CNTNAP5: variants seen among roughly 807,000 people sequenced by gnomAD.
CNTNAP5 encodes the protein contactin-associated protein-like 5.
CNTNAP5 carries 72 observed loss-of-function variants against 150.2 expected under a neutral mutation model. That is an observed-to-expected ratio of 0.48 (90% confidence interval 0.40 to 0.58). The LOEUF is 0.58. Among genes scored for constraint, CNTNAP5 ranks in the 20% least tolerant of loss-of-function variants. The pLI, the probability that CNTNAP5 is intolerant of heterozygous loss-of-function variation, is 0.00. For synonymous variants in CNTNAP5, 672 were observed against 619.8 expected (o/e 1.08, Z -1.25); for missense variants, 1,636 against 1,626.2 (o/e 1.01, Z -0.10).
At chr2:124,565,921 A>G (rs1051738667) in intron 11 of CNTNAP5, among the ~76,000 whole-genome samples, 2 of 149,960 alleles carry the variant, frequency 1.3e-5, no homozygotes, top group Non-Finnish European at 3.0e-5. Context: ...TTCTATGTGA[A>G]TACGTATAAG....
intron 13 of CNTNAP5, among the ~76,000 whole-genome samples, chr2:124,655,459 G>A (rs1678423551): frequency 2.6e-5 from 4 of 151,898 alleles, no homozygotes; most frequent in Admixed American, 2.6e-4. Context: ...AAACGTACGT[G>A]TGCATGTGTC....
intron 11 of CNTNAP5, among the ~76,000 whole-genome samples, chr2:124,566,180 G>A (rs940663457): frequency 6.6e-6 from 1 of 152,110 alleles, no homozygotes; most frequent in Non-Finnish European, 1.5e-5. Context: ...CAGTGCTGCT[G>A]TAAGAAGTCA....
At chr2:124,053,138 C>G (rs1369700984) in intron 1 of CNTNAP5, among the ~76,000 whole-genome samples, 2 of 152,090 alleles carry the variant, frequency 1.3e-5, no homozygotes, top group Non-Finnish European at 2.9e-5. Flanking sequence ...TGTTTGAGAA[C>G]TGTCTATAAC....
Position 124,862,602 on chromosome 2 carries a change from G to A in CNTNAP5, c.3218-2704G>A, listed in dbSNP as rs181059674. Reference sequence around the variant, plus strand: ...TAGACATGGCAATGCCAGGCAAGAAGCTGATGGTGATCTGAACCACTGGAG... The same window carrying A: ...TAGACATGGCAATGCCAGGCAAGAAACTGATGGTGATCTGAACCACTGGAG... On this transcript the variant is annotated intron_variant, in intron 19 of 23. Transcript: ENST00000682447. Among the ~76,000 whole-genome samples the A allele has an allele frequency of 1.3e-3, 205 of 152,302 alleles. 1 individual carries two copies. The highest frequency in any genetic ancestry group is 4.7e-3 in the African/African-American group (195 of 41,570).
At chr2:124,055,996 C>G (rs994822727) in intron 1 of CNTNAP5, among the ~76,000 whole-genome samples, 1 of 152,086 alleles carries the variant, frequency 6.6e-6, no homozygotes, top group African/African-American at 2.4e-5. Flanking sequence ...TCCCTTGCAC[C>G]TTCATCTCCC....
intron 17 of CNTNAP5, among the ~76,000 whole-genome samples, chr2:124,773,824 T>G (rs942364842): frequency 2.6e-5 from 4 of 151,448 alleles, no homozygotes. Context: ...AAGTCTCTCT[T>G]CAGTGCCTGA....
chr2:124,367,592 A>G (rs72839463), intron 3 of CNTNAP5, among the ~76,000 whole-genome samples: 3,623 of 152,206 alleles, frequency 0.024, 71 homozygotes, highest in Middle Eastern at 0.048. Flanking sequence ...TTTTGCTCCT[A>G]TTGGGCTACC....
intron 1 of CNTNAP5, among the ~76,000 whole-genome samples, chr2:124,114,868 A>C (rs148136013): frequency 1.3e-5 from 2 of 151,540 alleles, no homozygotes; most frequent in African/African-American, 4.8e-5. Flanking sequence ...GGATTTTTCA[A>C]ATGCTTTTTC....
intron 19 of CNTNAP5, among the ~76,000 whole-genome samples, chr2:124,841,538 C>A (rs995114054): frequency 6.6e-6 from 1 of 152,066 alleles, no homozygotes. Flanking sequence ...CCGGGTTTAT[C>A]TTTCCTTCCA....
chr2:124,586,133 G>A (rs1696531650), intron 11 of CNTNAP5, among the ~76,000 whole-genome samples: 1 of 152,116 alleles, frequency 6.6e-6, no homozygotes, highest in Non-Finnish European at 1.5e-5. Context: ...GGAGAAAAGA[G>A]GCAGGACTTC....
intron 21 of CNTNAP5, among the ~76,000 whole-genome samples, chr2:124,895,617 C>A (rs575566088): frequency 6.6e-6 from 1 of 151,164 alleles, no homozygotes; most frequent in African/African-American, 2.5e-5. Flanking sequence ...AGAGCAAGAC[C>A]CTGTCTCAAA....
chr2:124,398,290 G>A (rs1227829344), intron 3 of CNTNAP5, among the ~76,000 whole-genome samples: 1 of 152,102 alleles, frequency 6.6e-6, no homozygotes, highest in Admixed American at 6.6e-5. Context: ...CAAGGAGAGT[G>A]CCACCAGCTT....
intron 13 of CNTNAP5, among the ~76,000 whole-genome samples, chr2:124,724,923 C>CTTTTTTT (rs71387242): frequency 2.7e-5 from 3 of 111,524 alleles, no homozygotes; most frequent in Admixed American, 1.0e-4. Context: ...ATTCCCTTAG[C>CTTTTTTT]TTTTTTTTTT....
chr2:124,697,462 C>T (rs1211194706), intron 13 of CNTNAP5, among the ~76,000 whole-genome samples: 1 of 152,058 alleles, frequency 6.6e-6, no homozygotes, highest in Non-Finnish European at 1.5e-5. Context: ...GTAGAATGAT[C>T]CCCTCATTTT....
intron 3 of CNTNAP5, among the ~76,000 whole-genome samples, chr2:124,336,106 TG>T (rs1689460353): frequency 1.3e-5 from 2 of 151,826 alleles, no homozygotes; most frequent in African/African-American, 4.8e-5. Context: ...GAGAAATGAA[TG>T]GGCAAAGAGC....
At chr2:124,823,091 A>G (rs529369846) in intron 19 of CNTNAP5, among the ~76,000 whole-genome samples, 27 of 152,348 alleles carry the variant, frequency 1.8e-4, no homozygotes, top group African/African-American at 5.8e-4. Flanking sequence ...AGTGCAACCA[A>G]TAATTTATCA....
At chr2:124,812,245 G>T (rs1336846761) in intron 19 of CNTNAP5, among the ~76,000 whole-genome samples, 1 of 142,866 alleles carries the variant, frequency 7.0e-6, no homozygotes, top group Non-Finnish European at 1.5e-5. Flanking sequence ...TATTTAAATA[G>T]TTCATGCTAA....
chr2:124,334,124 A>G (rs2104683631), intron 3 of CNTNAP5, among the ~76,000 whole-genome samples: 1 of 152,248 alleles, frequency 6.6e-6, no homozygotes, highest in South Asian at 2.1e-4. Context: ...GAGGAGCCCA[A>G]AAATGCGTTG....
chr2:124,703,059 T>A (rs1679555202), intron 13 of CNTNAP5, among the ~76,000 whole-genome samples: 1 of 152,122 alleles, frequency 6.6e-6, no homozygotes, highest in South Asian at 2.1e-4. Context: ...ACAAAGATTT[T>A]AAACCTCTGT....
Sources: gnomAD v4.1 joint callset for allele counts (sites outside exome capture counted in the v4.1 genomes callset) on GRCh38, gnomAD v4.1.1 for gene constraint, MANE v1.5 for transcripts, NCBI Gene and HGNC (gene_info 2026-07-23, HGNC 2026-07-21) for gene names.